Variants in MSH4 observed in about 807,000 individuals in gnomAD.
MSH4 encodes the protein mutS protein homolog 4.
A neutral mutation model predicts 113.7 loss-of-function variants in MSH4; 106 were observed. The ratio of observed to expected loss-of-function variants is 0.93; its 90% confidence interval spans 0.80 to 1.10. The LOEUF (loss-of-function observed/expected upper bound fraction) is 1.10. MSH4 is among the 50% of genes least tolerant of loss of function. The probability of loss-of-function intolerance (pLI) is 0.00; values close to 1 mark genes in which losing one functional copy is unlikely to be tolerated. For missense variants in MSH4, 1,061 were observed against 1,093.7 expected (o/e 0.97, Z 0.42); for synonymous variants, 368 against 380.2 (o/e 0.97, Z 0.37).
At chr1:75,878,914 C>A (rs1651872104) in intron 11 of MSH4, 78 bp from the exon 12 acceptor site, 3 of 1,282,002 alleles carry the variant, frequency 2.3e-6, no homozygotes, top group East Asian at 2.4e-5. Context: ...CCATGTGACT[C>A]TTTAAAACAG....
intron 8 of MSH4, among the ~76,000 whole-genome samples, chr1:75,860,978 T>G (rs1032510216): frequency 6.6e-6 from 1 of 152,244 alleles, no homozygotes; most frequent in Non-Finnish European, 1.5e-5. Flanking sequence ...CTCTTTTTTC[T>G]CTAATCTTGT....
intron 8 of MSH4, among the ~76,000 whole-genome samples, chr1:75,851,303 C>T (rs1275125824): frequency 6.6e-6 from 1 of 150,884 alleles, no homozygotes; most frequent in East Asian, 2.0e-4. Context: ...GATTCCATCT[C>T]ATTTCCTTTG....
At position 75,826,124 on chromosome 1, in the gene MSH4, T is replaced by C. The variant is rs1175862496; in HGVS notation, c.1162+3543T>C. Reference sequence around the variant, plus strand: ...TTTTTTTGGTTGGTGGGCTATTAATTACTCCCTCAATTTCAGAACTTGTTA... The same window carrying C: ...TTTTTTTGGTTGGTGGGCTATTAATCACTCCCTCAATTTCAGAACTTGTTA... On this transcript the variant is annotated intron_variant, in intron 7 of 19. Transcript: ENST00000263187. 2.6e-5 allele frequency among the ~76,000 whole-genome samples: 4 copies of C among 152,214 alleles called. No individual in the cohort carries two copies. The East Asian group carries it at 7.7e-4, about 29-fold the overall frequency.
At chr1:75,825,117 G>A (rs1234758400) in intron 7 of MSH4, among the ~76,000 whole-genome samples, 2 of 151,932 alleles carry the variant, frequency 1.3e-5, no homozygotes, top group Admixed American at 6.6e-5. Flanking sequence ...TTTTCCATTT[G>A]TTTGTGTCCT....
Position 75,912,919 on chromosome 1 carries a change from T to C in MSH4, c.*32T>C. ...TTCTAATGTAATAATATATCTTAATTCAAGGAACCTAGAATTTATTTTTCT... is the reference window on the plus strand; with the variant it reads ...TTCTAATGTAATAATATATCTTAATCCAAGGAACCTAGAATTTATTTTTCT... On this transcript the variant is annotated 3_prime_UTR_variant, in exon 20 of 20. Coordinates refer to ENST00000263187, the MANE Select transcript of MSH4 (RefSeq NM_002440.4). 7.7e-7 allele frequency: 1 copy of C among 1,303,120 alleles called. No individual in the cohort carries two copies. The highest frequency in any genetic ancestry group is 1.0e-6 in the Non-Finnish European group (1 of 984,834). 80.7% of individuals were successfully genotyped at this position (1,303,120 alleles called of 1,614,324 possible).
intron 17 of MSH4, among the ~76,000 whole-genome samples, chr1:75,894,404 G>A (rs1053164031): frequency 2.6e-5 from 4 of 152,202 alleles, no homozygotes; most frequent in African/African-American, 9.7e-5. Context: ...TTATGCATGA[G>A]ATCAGCAACA....
At chr1:75,853,654 A>G (rs1473632482) in intron 8 of MSH4, among the ~76,000 whole-genome samples, 1 of 151,552 alleles carries the variant, frequency 6.6e-6, no homozygotes, top group East Asian at 2.0e-4. Context: ...TATTTAATCC[A>G]TATGGACTGA....
intron 7 of MSH4, among the ~76,000 whole-genome samples, chr1:75,838,660 C>G (rs558295194): frequency 1.3e-5 from 2 of 152,286 alleles, no homozygotes; most frequent in Non-Finnish European, 2.9e-5. Flanking sequence ...TGATACTCTT[C>G]ACTCTCCATT....
At chr1:75,820,497 G>A (rs1381561705) in intron 6 of MSH4, among the ~76,000 whole-genome samples, 2 of 152,146 alleles carry the variant, frequency 1.3e-5, no homozygotes, top group Admixed American at 1.3e-4. Context: ...CAATTTCAGA[G>A]CCTGTTATTG....
intron 1 of MSH4, among the ~76,000 whole-genome samples, chr1:75,802,542 T>C (rs1649961572): frequency 1.3e-5 from 2 of 152,216 alleles, no homozygotes; most frequent in South Asian, 4.1e-4. Flanking sequence ...ATGTACATTA[T>C]TTAAAAATTT....
intron 7 of MSH4, among the ~76,000 whole-genome samples, chr1:75,844,323 AT>A (rs1186135344): frequency 1.6e-4 from 24 of 152,212 alleles, no homozygotes; most frequent in African/African-American, 5.5e-4. Flanking sequence ...ACTTATTTAT[AT>A]TTATTTTTAT....
chr1:75,831,217 T>C (rs1650681642), intron 7 of MSH4, among the ~76,000 whole-genome samples: 1 of 151,760 alleles, frequency 6.6e-6, no homozygotes, highest in Non-Finnish European at 1.5e-5. Context: ...GGTAAAGGGG[T>C]CAATTCAACA....
At chr1:75,851,558 T>A (rs140547042) in intron 8 of MSH4, among the ~76,000 whole-genome samples, 103 of 152,150 alleles carry the variant, frequency 6.8e-4, no homozygotes, top group African/African-American at 2.3e-3. Flanking sequence ...ACTACAGGCA[T>A]GCCACCATGC....
chr1:75,879,196 G>A, intron 12 of MSH4, 68 bp downstream of exon 12: 1 of 1,480,266 alleles, frequency 6.8e-7, no homozygotes. Context: ...ATATTTTTGG[G>A]ACTTCTTGAG....
chr1:75,910,558 C>G (rs542395133), intron 19 of MSH4, among the ~76,000 whole-genome samples: 1 of 152,152 alleles, frequency 6.6e-6, no homozygotes, highest in South Asian at 2.1e-4. Context: ...CAGGCATGAA[C>G]CACCGCACCC....
intron 19 of MSH4, among the ~76,000 whole-genome samples, chr1:75,910,614 G>T (rs945708682): frequency 6.6e-6 from 1 of 151,866 alleles, no homozygotes; most frequent in African/African-American, 2.4e-5. Context: ...AAATATAAAA[G>T]TTTCTAAGAT....
chr1:75,900,991 T>C (rs1325822011), intron 19 of MSH4, among the ~76,000 whole-genome samples: 1 of 152,200 alleles, frequency 6.6e-6, no homozygotes, highest in African/African-American at 2.4e-5. Context: ...ATTCTGATTT[T>C]AGTTGAATAT....
At chr1:75,863,023 A>G (rs964834996) in intron 8 of MSH4, among the ~76,000 whole-genome samples, 1 of 152,152 alleles carries the variant, frequency 6.6e-6, no homozygotes, top group African/African-American at 2.4e-5. Context: ...AAATGCTTAA[A>G]ATACTTTCCC....
At chr1:75,867,984 T>C (rs888247633) in intron 9 of MSH4, among the ~76,000 whole-genome samples, 3 of 152,130 alleles carry the variant, frequency 2.0e-5, no homozygotes, top group Non-Finnish European at 4.4e-5. Context: ...TTTCCTGATA[T>C]AGGGTCCAAT....
Sources: gnomAD v4.1 joint callset for allele counts (sites outside exome capture counted in the v4.1 genomes callset) on GRCh38, gnomAD v4.1.1 for gene constraint, MANE v1.5 for transcripts, NCBI Gene and HGNC (gene_info 2026-07-23, HGNC 2026-07-21) for gene names.